RALYL: variants seen among roughly 807,000 people sequenced by gnomAD.
RALYL encodes the protein RALY RNA binding protein like, also known as RNA-binding Raly-like protein.
A neutral mutation model predicts 35.1 loss-of-function variants in RALYL; 29 were observed. That is an observed-to-expected ratio of 0.83 (90% CI 0.61 to 1.13). The LOEUF is 1.13. Among genes scored for constraint, RALYL ranks in the 50% most tolerant of loss-of-function variants. The pLI, the probability that RALYL is intolerant of heterozygous loss-of-function variation, is 0.00. For synonymous variants in RALYL, 120 were observed against 127.6 expected, an observed-to-expected ratio of 0.94 and a Z score of 0.40; for missense variants, 359 against 360.4, an observed-to-expected ratio of 1.00 and a Z score of 0.03.
chr8:84,573,584 T>G (rs1312000694), intron 2 of RALYL, among the ~76,000 whole-genome samples: 1 of 151,906 alleles, frequency 6.6e-6, no homozygotes, highest in Non-Finnish European at 1.5e-5. Flanking sequence ...TCAGTAAGTT[T>G]ATTTGTTTCA....
chr8:84,892,960 A>G (rs1844131655), intron 8 of RALYL, among the ~76,000 whole-genome samples: 1 of 152,226 alleles, frequency 6.6e-6, no homozygotes, highest in African/African-American at 2.4e-5. Context: ...TAAATCCACT[A>G]GCAAGTATTC....
chr8:84,748,546 C>T (rs746284408), intron 2 of RALYL, among the ~76,000 whole-genome samples: 13 of 152,022 alleles, frequency 8.6e-5, no homozygotes, highest in Admixed American at 4.6e-4. Flanking sequence ...TATATATTGT[C>T]TTGAAAGTTT....
chr8:84,380,048 T>A (rs1301147974), intron 1 of RALYL, among the ~76,000 whole-genome samples: 1 of 146,072 alleles, frequency 6.8e-6, no homozygotes, highest in African/African-American at 2.7e-5. Flanking sequence ...GACTATATGC[T>A]TCTCAAAATT....
chr8:84,394,521 G>A (rs914334452), intron 1 of RALYL, among the ~76,000 whole-genome samples: 4 of 151,938 alleles, frequency 2.6e-5, no homozygotes, highest in Non-Finnish European at 5.9e-5. Flanking sequence ...TTAATATAAG[G>A]TGATTTAGCA....
rs543407220 is a variant in RALYL, at chr8:84,878,800, A to C, written c.685+5403A>C. 1.9e-4 allele frequency among the ~76,000 whole-genome samples: 29 copies of C among 152,076 alleles called. No homozygotes were observed. The South Asian group carries it at 4.8e-3, about 25-fold the overall frequency. On this transcript the variant is annotated intron_variant, in intron 7 of 8. Coordinates refer to ENST00000521268, the MANE Select transcript of RALYL (RefSeq NM_173848.7). The stretch of plus-strand genomic sequence containing the variant: ...TCTCCCAGAAAATATGGAAAAAAAA[A>C]CAGAAATGGAAAATAGGGGAAGGAT...
Position 84,314,816 on chromosome 8 carries a change from T to C in RALYL, c.-24+130392T>C, listed in dbSNP as rs553302522. 3.7e-4 allele frequency among the ~76,000 whole-genome samples: 56 copies of C among 152,324 alleles called. 1 individual carries two copies. In the Middle Eastern group the frequency reaches 0.02, roughly 56 times the overall value. On this transcript the variant is annotated intron_variant, in intron 1 of 8. Transcript: ENST00000521268. Reference sequence around the variant, plus strand: ...GATTTTGATATGTATTTTCTTAAGATATTTATAAAGAGCTTTTGAAAAATA... The same window carrying C: ...GATTTTGATATGTATTTTCTTAAGACATTTATAAAGAGCTTTTGAAAAATA...
intron 1 of RALYL, among the ~76,000 whole-genome samples, chr8:84,365,950 T>A (rs1314950760): frequency 6.6e-6 from 1 of 152,248 alleles, no homozygotes; most frequent in Non-Finnish European, 1.5e-5. Flanking sequence ...CACGTTGGCA[T>A]TGGCTGCCAC....
intron 1 of RALYL, among the ~76,000 whole-genome samples, chr8:84,380,057 TTGTG>T (rs60900204): frequency 5.2e-4 from 76 of 147,086 alleles, no homozygotes; most frequent in South Asian, 2.0e-3. Flanking sequence ...CTTCTCAAAA[TTGTG>T]TGTGTGTGTG....
At chr8:84,571,168 C>A (rs1807888124) in intron 2 of RALYL, among the ~76,000 whole-genome samples, 1 of 151,640 alleles carries the variant, frequency 6.6e-6, no homozygotes, top group South Asian at 2.1e-4. Flanking sequence ...GGGAGGAATC[C>A]TTCCCCCTTG....
At chr8:84,527,089 A>G (rs1378561409) in intron 1 of RALYL, among the ~76,000 whole-genome samples, 1 of 152,252 alleles carries the variant, frequency 6.6e-6, no homozygotes, top group Non-Finnish European at 1.5e-5. Context: ...ATGACAGAAT[A>G]CAATACTACA....
intron 1 of RALYL, among the ~76,000 whole-genome samples, chr8:84,278,390 C>T (rs1344951777): frequency 1.3e-5 from 2 of 152,238 alleles, no homozygotes; most frequent in Non-Finnish European, 2.9e-5. Context: ...GGCCTCCAGG[C>T]CTGTGATGGG....
intron 1 of RALYL, among the ~76,000 whole-genome samples, chr8:84,345,472 AT>A (rs760627355): frequency 6.6e-6 from 1 of 152,046 alleles, no homozygotes; most frequent in African/African-American, 2.4e-5. Context: ...TTCAATCCAT[AT>A]ACACATTACC....
intron 2 of RALYL, among the ~76,000 whole-genome samples, chr8:84,644,263 G>T (rs1384401210): frequency 2.0e-5 from 3 of 151,988 alleles, no homozygotes; most frequent in Admixed American, 6.6e-5. Flanking sequence ...AGACTCTTTA[G>T]CCTAAAACAA....
chr8:84,807,541 T>C (rs1439025211), intron 4 of RALYL, among the ~76,000 whole-genome samples: 1 of 152,214 alleles, frequency 6.6e-6, no homozygotes, highest in African/African-American at 2.4e-5. Flanking sequence ...CAGAGTGGGA[T>C]TGCTGGATCA....
chr8:84,783,414 C>T (rs572955089), intron 3 of RALYL, among the ~76,000 whole-genome samples: 34 of 152,268 alleles, frequency 2.2e-4, no homozygotes, highest in Non-Finnish European at 2.9e-4. Context: ...TGTAGCTAAA[C>T]ACATGCAACC....
intron 3 of RALYL, among the ~76,000 whole-genome samples, chr8:84,779,211 C>T (rs1489500636): frequency 2.0e-5 from 3 of 152,304 alleles, no homozygotes; most frequent in Non-Finnish European, 4.4e-5. Flanking sequence ...AATTCTCCCC[C>T]AGGAAGTGAG....
intron 8 of RALYL, among the ~76,000 whole-genome samples, chr8:84,914,322 T>A (rs1848079578): frequency 6.6e-6 from 1 of 151,946 alleles, no homozygotes; most frequent in African/African-American, 2.4e-5. Context: ...GCATTGGGAG[T>A]AAATAACGAT....
chr8:84,649,899 C>A (rs1268438373), intron 2 of RALYL, among the ~76,000 whole-genome samples: 1 of 152,048 alleles, frequency 6.6e-6, no homozygotes, highest in Non-Finnish European at 1.5e-5. Flanking sequence ...GATATTGATT[C>A]TTCCTACCCA....
chr8:84,470,728 T>C (rs1240888322), intron 1 of RALYL, among the ~76,000 whole-genome samples: 1 of 152,200 alleles, frequency 6.6e-6, no homozygotes, highest in African/African-American at 2.4e-5. Context: ...AATACCAGTT[T>C]GTGTTCCAGA....
Sources: allele counts gnomAD v4.1 joint callset (sites outside exome capture counted in the v4.1 genomes callset), GRCh38; gene constraint gnomAD v4.1.1; transcripts MANE v1.5; gene names NCBI Gene and HGNC (gene_info 2026-07-23, HGNC 2026-07-21).